ZNF121: variants seen among roughly 807,000 people sequenced by gnomAD.
The protein encoded by ZNF121 is zinc finger protein 121 (clone ZHC32).
A neutral mutation model predicts 2.4 loss-of-function variants in ZNF121; 1 was observed. The observed-to-expected ratio is 0.41, with a 90% confidence interval of 0.15 to 1.94. The LOEUF (loss-of-function observed/expected upper bound fraction) is 1.94, where lower values mean the gene tolerates loss of function less well. Ranked by LOEUF, ZNF121 falls within the 30% of genes most tolerant of loss-of-function variation. The pLI is 0.30. For synonymous variants in ZNF121, 173 were observed against 158.6 expected, an observed-to-expected ratio of 1.09 and a Z score of -0.68; for missense variants, 369 against 466.3, an observed-to-expected ratio of 0.79 and a Z score of 1.92.
At chr19:9,578,170 C>T (rs1046758074) in intron 1 of ZNF121, among the ~76,000 whole-genome samples, 5 of 151,954 alleles carry the variant, frequency 3.3e-5, no homozygotes, top group Non-Finnish European at 5.9e-5. Flanking sequence ...TGCAGTGAGC[C>T]GGAACTTGCA....
At chr19:9,573,939 C>T (rs117387327) in intron 1 of ZNF121, among the ~76,000 whole-genome samples, 121 of 152,100 alleles carry the variant, frequency 8.0e-4, no homozygotes, top group Admixed American at 2.0e-3. Flanking sequence ...CTTTATCTCC[C>T]AGGATCAAGC....
At chr19:9,581,565 G>C (rs1387762635) in intron 1 of ZNF121, among the ~76,000 whole-genome samples, 4 of 152,030 alleles carry the variant, frequency 2.6e-5, no homozygotes, top group Non-Finnish European at 4.4e-5. Context: ...AGAAAAAGGG[G>C]GGGTACTATG....
chr19:9,576,093 C>T (rs904918980), intron 1 of ZNF121, among the ~76,000 whole-genome samples: 2 of 152,072 alleles, frequency 1.3e-5, no homozygotes, highest in Non-Finnish European at 2.9e-5. Flanking sequence ...CAGAACAGGC[C>T]ATATCTTAGG....
intron 1 of ZNF121, among the ~76,000 whole-genome samples, chr19:9,572,734 T>C (rs2074182802): frequency 6.6e-6 from 1 of 152,184 alleles, no homozygotes; most frequent in Admixed American, 6.5e-5. Flanking sequence ...TTCCATCTAG[T>C]GCTGAAAACG....
rs1437169755 is a variant in ZNF121 at position 9,565,346 on chromosome 19, C to A, written c.*594G>T. 29 of 52,946 alleles carry A rather than the reference C, an allele frequency of 5.5e-4. No individual in the cohort carries two copies. Among genetic ancestry groups the A allele is most frequent in the African/African-American group, 1.5e-3 (22 of 14,644 alleles). 3.3% of individuals were successfully genotyped at this position (52,946 alleles called of 1,614,324 possible). ...TTGAGAAAAGAATGTGTATTAACAA[C>A]GACTTACAAAAAAAAAAAAAAAAAA... On this transcript the variant is annotated 3_prime_UTR_variant, in exon 4 of 4. Transcript: ENST00000320451.
rs2074114903 is a variant in ZNF121 at position 9,563,948 on chromosome 19, T to G, written c.*1992A>C. On this transcript the variant is annotated 3_prime_UTR_variant, in exon 4 of 4. Transcript: ENST00000320451. ...CCTTTCAAAATATTACCACTGATAATGAACCTACTAACCAAGAGCTCTTAT... is the reference window on the plus strand; with the variant it reads ...CCTTTCAAAATATTACCACTGATAAGGAACCTACTAACCAAGAGCTCTTAT... The G allele has an allele frequency of 6.6e-6, 1 of 152,198 alleles. No individual in the cohort carries two copies. The highest frequency in any genetic ancestry group is 1.5e-5 in the Non-Finnish European group (1 of 68,034). The allele number at this position is 152,198 out of a possible 1,614,324, so 9.4% of individuals were successfully genotyped here.
rs546503599 is a variant in ZNF121 at position 9,565,136 on chromosome 19, G to A, written c.*804C>T. 2 of 151,960 alleles carry A rather than the reference G, an allele frequency of 1.3e-5. No homozygotes were observed. The highest frequency in any genetic ancestry group is 3.9e-4 in the East Asian group (2 of 5,158). The allele number at this position is 151,960 out of a possible 1,614,324, so 9.4% of individuals were successfully genotyped here. A position where few individuals can be genotyped will look rare whatever the true frequency, so the allele number is the denominator to read the frequency against. The stretch of plus-strand genomic sequence containing the variant: ...ATATTCACTTTATAGTGGTAGTCTG[G>A]AACAAAACTCACAATATCTACAGGG... On this transcript the variant is annotated 3_prime_UTR_variant, in exon 4 of 4. Coordinates refer to ENST00000320451, the MANE Select transcript of ZNF121 (RefSeq NM_001008727.5).
intron 1 of ZNF121, among the ~76,000 whole-genome samples, chr19:9,576,330 CA>C (rs200367568): frequency 0.021 from 2,862 of 138,568 alleles, 49 homozygotes; most frequent in East Asian, 0.084. Flanking sequence ...CCTGTCCCTT[CA>C]AAAAAAAAAA....
At chr19:9,568,328 C>G (rs554064916) in intron 2 of ZNF121, among the ~76,000 whole-genome samples, 153 bp from the exon 3 acceptor site, 1 of 151,748 alleles carries the variant, frequency 6.6e-6, no homozygotes, top group African/African-American at 2.4e-5. Context: ...TTATCCATGA[C>G]GAACATTTGG....
At chr19:9,573,071 AC>A (rs1188869994) in intron 1 of ZNF121, among the ~76,000 whole-genome samples, 1 of 152,164 alleles carries the variant, frequency 6.6e-6, no homozygotes, top group Non-Finnish European at 1.5e-5. Context: ...CACAAGCCAG[AC>A]AAAGACTGTA....
At position 9,563,084 on chromosome 19, in the gene ZNF121, G is replaced by C. The variant is rs1160272054; in HGVS notation, c.*2856C>G. On this transcript the variant is annotated 3_prime_UTR_variant, in exon 4 of 4. Coordinates refer to ENST00000320451, the MANE Select transcript of ZNF121 (RefSeq NM_001008727.5). ...AAAAAAAAAAAAAAAACTGGGATAG[G>C]CCAAAATCTAGGCCTCTTGTGCCAG... is the stretch of plus-strand genomic sequence containing the variant. 1 of 149,850 alleles carries C rather than the reference G, an allele frequency of 6.7e-6. No homozygotes were observed. Among genetic ancestry groups the C allele is most frequent in the African/African-American group, 2.5e-5 (1 of 40,752 alleles). The allele number at this position is 149,850 out of a possible 1,614,324, so 9.3% of individuals were successfully genotyped here.
chr19:9,580,283 C>T (rs1419231326), intron 1 of ZNF121, among the ~76,000 whole-genome samples: 1 of 150,970 alleles, frequency 6.6e-6, no homozygotes, highest in Non-Finnish European at 1.5e-5. Flanking sequence ...CAGAGAAAAA[C>T]TAGTCTCAAA....
At chr19:9,582,786 T>C (rs571688911) in intron 1 of ZNF121, among the ~76,000 whole-genome samples, 6 of 151,750 alleles carry the variant, frequency 4.0e-5, no homozygotes, top group Non-Finnish European at 7.4e-5. Flanking sequence ...CTGGGTGTGT[T>C]AGATGTTCAA....
chr19:9,582,035 G>A (rs1471717118), intron 1 of ZNF121, among the ~76,000 whole-genome samples: 1 of 152,206 alleles, frequency 6.6e-6, no homozygotes, highest in Non-Finnish European at 1.5e-5. Context: ...TTCAGGCACA[G>A]TGGCTCACAC....
rs186925088 is a variant in ZNF121 at position 9,577,116 on chromosome 19, A to C, written c.-160+7345T>G. 1.5e-4 allele frequency among the ~76,000 whole-genome samples: 23 copies of C among 152,350 alleles called. 1 individual carries two copies. In the East Asian group the frequency reaches 4.2e-3, roughly 28 times the overall value. On this transcript the variant is annotated intron_variant, in intron 1 of 3. Coordinates refer to ENST00000320451, the MANE Select transcript of ZNF121 (RefSeq NM_001008727.5). Reference sequence around the variant, plus strand: ...GGTCTACAAAGTGAGCATTATTCTCATATCAAAAGCAGAGAAGAGCACAAC... The same window carrying C: ...GGTCTACAAAGTGAGCATTATTCTCCTATCAAAAGCAGAGAAGAGCACAAC...
intron 1 of ZNF121, among the ~76,000 whole-genome samples, chr19:9,575,704 C>T (rs1233610452): frequency 6.6e-6 from 1 of 151,994 alleles, no homozygotes; most frequent in Non-Finnish European, 1.5e-5. Context: ...GATCACACCA[C>T]TGCACTCCAG....
chr19:9,581,611 G>A (rs1209918779), intron 1 of ZNF121, among the ~76,000 whole-genome samples: 1 of 152,008 alleles, frequency 6.6e-6, no homozygotes. Context: ...ATTATTTGAA[G>A]AGAAACCTCA....
At chr19:9,581,492 C>G (rs2074248060) in intron 1 of ZNF121, among the ~76,000 whole-genome samples, 1 of 151,898 alleles carries the variant, frequency 6.6e-6, no homozygotes, top group East Asian at 1.9e-4. Context: ...TGAGCTGGTA[C>G]TGATAACGCT....
intron 1 of ZNF121, among the ~76,000 whole-genome samples, chr19:9,577,043 C>T (rs1320621099): frequency 1.3e-5 from 2 of 152,172 alleles, no homozygotes; most frequent in Non-Finnish European, 2.9e-5. Flanking sequence ...AACAATACAA[C>T]TCGAATTCCT....
Sources: gnomAD v4.1 joint callset for allele counts (sites outside exome capture counted in the v4.1 genomes callset) on GRCh38, gnomAD v4.1.1 for gene constraint, MANE v1.5 for transcripts, NCBI Gene and HGNC (gene_info 2026-07-23, HGNC 2026-07-21) for gene names.